The following FRMPD2 variants were observed in gnomAD, a reference collection of about 807,000 sequenced individuals.
FRMPD2 encodes FERM and PDZ domain-containing protein 2.
A neutral mutation model predicts 140.1 loss-of-function variants in FRMPD2; 96 were observed. That is an observed-to-expected ratio of 0.69 (90% CI 0.58 to 0.81). The LOEUF (loss-of-function observed/expected upper bound fraction) is 0.81. FRMPD2 is among the 40% of genes least tolerant of loss of function. The probability of loss-of-function intolerance (pLI) is 0.00; values close to 1 mark genes in which losing one functional copy is unlikely to be tolerated. For missense variants in FRMPD2, 1,240 were observed against 1,447.4 expected, an observed-to-expected ratio of 0.86 and a Z score of 2.32; for synonymous variants, 449 against 547.6, an observed-to-expected ratio of 0.82 and a Z score of 2.52.
chr10:48,161,707 T>G lies in FRMPD2; in HGVS notation c.3881+1621A>C, dbSNP rs1837946217. Reference sequence around the variant, plus strand: ...GCAAGTTCTGCATCCCTGCAGATATTCAAGCAAAAGCTGGGACCCCTTCTT... The same window carrying G: ...GCAAGTTCTGCATCCCTGCAGATATGCAAGCAAAAGCTGGGACCCCTTCTT... On this transcript the variant is annotated intron_variant, in intron 28 of 28. Coordinates refer to ENST00000374201, the MANE Select transcript of FRMPD2 (RefSeq NM_001018071.4). Among the ~76,000 whole-genome samples the G allele has an allele frequency of 2.0e-5, 3 of 151,522 alleles. No homozygotes were observed. In the South Asian group the frequency reaches 6.2e-4, roughly 32 times the overall value.
intron 13 of FRMPD2, among the ~76,000 whole-genome samples, chr10:48,210,819 T>C (rs145999455): frequency 0.011 from 1,739 of 152,370 alleles, 26 homozygotes; most frequent in African/African-American, 0.038. Flanking sequence ...TGTTTTCAAG[T>C]ACCCATCTCA....
intron 28 of FRMPD2, among the ~76,000 whole-genome samples, chr10:48,158,312 CGT>C (rs1345014300): frequency 3.4e-5 from 5 of 147,974 alleles, no homozygotes; most frequent in Non-Finnish European, 4.5e-5. Context: ...TCCTTTTGCA[CGT>C]GCCATCAGGC....
intron 16 of FRMPD2, among the ~76,000 whole-genome samples, chr10:48,191,426 G>T (rs1838828099): frequency 6.6e-6 from 1 of 152,144 alleles, no homozygotes; most frequent in African/African-American, 2.4e-5. Context: ...TTGTGAAATG[G>T]AATAACACAA....
chr10:48,185,590 T>C lies in FRMPD2; in HGVS notation c.2322A>G (p.Val774=). 6.2e-7 allele frequency: 1 copy of C among 1,614,142 alleles called. No homozygotes were observed. Among genetic ancestry groups the C allele is most frequent in the South Asian group, 1.1e-5 (1 of 91,080 alleles). Residue 774 remains valine, a synonymous_variant, in exon 18 of 29, where the codon GTA becomes GTG. Transcript: ENST00000374201. ...SFIAEPGREI[V]RVTLKRDPHR... ...GTGGGTCACGTTTCAGTGTCACACG[T>C]ACAATTTCTCGGCCCGGTTCAGCTA...
At chr10:48,237,867 T>G (rs1206575603) in intron 8 of FRMPD2, 124 bp downstream of exon 8, 1 of 1,194,692 alleles carries the variant, frequency 8.4e-7, no homozygotes, top group East Asian at 2.3e-5. Flanking sequence ...TCCAATCCTA[T>G]AAACCTCAGC....
At chr10:48,171,263 T>C (rs1838244719) in intron 25 of FRMPD2, 55 bp from the exon 26 acceptor site, 1 of 666,802 alleles carries the variant, frequency 1.5e-6, no homozygotes, top group African/African-American at 1.7e-5. Flanking sequence ...CAAGTGAAAT[T>C]GACCAGTCTC....
intron 27 of FRMPD2, among the ~76,000 whole-genome samples, chr10:48,167,547 T>G (rs1838128579): frequency 8.8e-6 from 1 of 114,242 alleles, no homozygotes; most frequent in Non-Finnish European, 1.8e-5. Flanking sequence ...TGCACATTGA[T>G]CTCTCCTTCT....
At chr10:48,216,636 G>A (rs1488282376) in intron 12 of FRMPD2, among the ~76,000 whole-genome samples, 1 of 152,178 alleles carries the variant, frequency 6.6e-6, no homozygotes, top group African/African-American at 2.4e-5. Context: ...GGAGGTAGAA[G>A]GAAAGCTTGC....
intron 14 of FRMPD2, among the ~76,000 whole-genome samples, chr10:48,203,324 A>G (rs1026245244): frequency 3.9e-5 from 6 of 152,186 alleles, no homozygotes; most frequent in African/African-American, 1.4e-4. Context: ...TTGACTGTCA[A>G]GAGTCTTTTC....
intron 3 of FRMPD2, among the ~76,000 whole-genome samples, chr10:48,247,228 G>A (rs280615): frequency 0.044 from 6,719 of 152,280 alleles, 490 homozygotes; most frequent in African/African-American, 0.15. Context: ...AAGTGACTGG[G>A]CCTTCATAAG....
At chr10:48,240,787 C>T (rs1840088365) in intron 5 of FRMPD2, among the ~76,000 whole-genome samples, 1 of 152,202 alleles carries the variant, frequency 6.6e-6, no homozygotes, top group African/African-American at 2.4e-5. Context: ...CCACAAGACC[C>T]AGAGCTGTGT....
At chr10:48,259,748 T>A (rs1412557551) in intron 1 of FRMPD2, among the ~76,000 whole-genome samples, 1 of 151,964 alleles carries the variant, frequency 6.6e-6, no homozygotes, top group Non-Finnish European at 1.5e-5. Context: ...ATTCATAGAC[T>A]TATAGAGCAA....
chr10:48,187,289 G>A lies in FRMPD2; in HGVS notation c.2169C>T (p.Pro723=). Reference sequence around the variant, plus strand: ...TCTTCAGCTGCTCCCGGCCAGTGCAGGGGCTGCCGGGAAAAGAAAATGAGG... The same window carrying A: ...TCTTCAGCTGCTCCCGGCCAGTGCAAGGGCTGCCGGGAAAAGAAAATGAGG... The part of the protein sequence containing the change: ...EAGAEGIGRS[P]CTGREQLKSA... Residue 723 remains proline, a synonymous_variant, in exon 17 of 29, where the codon CCC becomes CCT. Coordinates refer to ENST00000374201, the MANE Select transcript of FRMPD2 (RefSeq NM_001018071.4). The A allele has an allele frequency of 6.2e-7, 1 of 1,613,834 alleles. No homozygotes were observed.
chr10:48,265,093 G>A (rs551082644), intron 1 of FRMPD2, among the ~76,000 whole-genome samples: 1 of 152,234 alleles, frequency 6.6e-6, no homozygotes, highest in South Asian at 2.1e-4. Flanking sequence ...CAACAAAGCT[G>A]ACAAAAACAA....
chr10:48,262,246 A>G (rs1840604264), intron 1 of FRMPD2, among the ~76,000 whole-genome samples: 1 of 152,204 alleles, frequency 6.6e-6, no homozygotes, highest in South Asian at 2.1e-4. Context: ...AATAGGTTAA[A>G]AGTAAAGGGA....
At chr10:48,242,010 G>C (rs1023250241) in intron 5 of FRMPD2, 151 bp downstream of exon 5, 2 of 545,014 alleles carry the variant, frequency 3.7e-6, no homozygotes, top group Non-Finnish European at 6.4e-6. Context: ...CACCTGCTAC[G>C]AGTGGCAACG....
At chr10:48,237,777 C>T (rs1018293549) in intron 8 of FRMPD2, among the ~76,000 whole-genome samples, 14 of 152,162 alleles carry the variant, frequency 9.2e-5, no homozygotes, top group African/African-American at 2.9e-4. Context: ...TCTTATACAG[C>T]GTCCCCCATA....
chr10:48,250,777 AAC>A (rs1840359034), intron 2 of FRMPD2, among the ~76,000 whole-genome samples: 2 of 149,710 alleles, frequency 1.3e-5, no homozygotes, highest in Admixed American at 1.3e-4. Flanking sequence ...CCCTGTTTAG[AAC>A]ACAGAGTAGG....
intron 1 of FRMPD2, among the ~76,000 whole-genome samples, chr10:48,271,538 C>T (rs751800481): frequency 6.6e-6 from 1 of 152,202 alleles, no homozygotes; most frequent in Admixed American, 6.5e-5. Flanking sequence ...CTACACATCT[C>T]CTTCCTGCCT....
Sources: allele counts gnomAD v4.1 joint callset (sites outside exome capture counted in the v4.1 genomes callset), GRCh38; gene constraint gnomAD v4.1.1; transcripts MANE v1.5; gene names NCBI Gene and HGNC (gene_info 2026-07-23, HGNC 2026-07-21).